Variants in RAB27B observed in about 807,000 individuals in gnomAD.
RAB27B encodes the protein ras-related protein Rab-27B.
Under a neutral mutation model 24.6 loss-of-function variants are expected in RAB27B, and 15 were observed. The observed-to-expected ratio is 0.61, with a 90% CI of 0.41 to 0.94. RAB27B has a LOEUF of 0.94. RAB27B is among the 40% of genes least tolerant of loss of function. The pLI, the probability that RAB27B is intolerant of heterozygous loss-of-function variation, is 0.00. For synonymous variants in RAB27B, 105 were observed against 92.5 expected (o/e 1.14, Z -0.78); for missense variants, 261 against 266.8 (o/e 0.98, Z 0.15).
chr18:54,792,573 A>C (rs182197125), intron 2 of RAB27B, among the ~76,000 whole-genome samples: 1 of 152,358 alleles, frequency 6.6e-6, no homozygotes, highest in African/African-American at 2.4e-5. Context: ...CATGCAAGAT[A>C]GTGAATAAAT....
chr18:54,892,286 G>A lies in RAB27B; in HGVS notation c.*2873G>A, dbSNP rs1042203277. On this transcript the variant is annotated 3_prime_UTR_variant, in exon 6 of 6. Coordinates refer to ENST00000262094, the MANE Select transcript of RAB27B (RefSeq NM_004163.4). ...TACATTGCTCTAACTCGGTGCCTCA[G>A]ATACCTCTGTGACCAAATTTGTCTC... The A allele has an allele frequency of 1.3e-5, 2 of 152,008 alleles. No individual in the cohort carries two copies. The highest frequency in any genetic ancestry group is 4.8e-5 in the African/African-American group (2 of 41,408). 9.4% of individuals were successfully genotyped at this position (152,008 alleles called of 1,614,324 possible).
intron 2 of RAB27B, among the ~76,000 whole-genome samples, chr18:54,728,905 AAAAAAAAAAAAAAAAAAAC>A: frequency 1.4e-5 from 2 of 138,670 alleles, no homozygotes; most frequent in Admixed American, 7.1e-5. Flanking sequence ...AAAAAACCCA[AAAAAAAAAAAAAAAAAAAC>A]CACCACCAAA....
upstream of RAB27B, among the ~76,000 whole-genome samples, chr18:54,824,046 T>C (rs1910395097): frequency 1.3e-5 from 2 of 152,144 alleles, no homozygotes; most frequent in Admixed American, 1.3e-4. Flanking sequence ...ACTTTACACA[T>C]TATTTATTGA....
chr18:54,749,408 A>T (rs1407286879), intron 2 of RAB27B, among the ~76,000 whole-genome samples: 1 of 152,152 alleles, frequency 6.6e-6, no homozygotes, highest in Non-Finnish European at 1.5e-5. Context: ...CACCAAAGGC[A>T]TTCCTTCCAG....
chr18:54,739,241 G>C (rs1400752034), intron 2 of RAB27B, among the ~76,000 whole-genome samples: 2 of 151,914 alleles, frequency 1.3e-5, no homozygotes, highest in Admixed American at 6.6e-5. Context: ...GATCACCTGA[G>C]GTCAGGAGTT....
In RAB27B at chr18:54,850,174, A is replaced by C. The variant is rs1911503855; in HGVS notation, c.-20+21474A>C. On this transcript the variant is annotated intron_variant, in intron 1 of 5. Coordinates refer to ENST00000262094, the MANE Select transcript of RAB27B (RefSeq NM_004163.4). ...TATTCTAAAAATATCTTCCTGTCTA[A>C]AAAAACATTTAACAGAGTTTGTCTA... Among the ~76,000 whole-genome samples the C allele has an allele frequency of 2.0e-5, 3 of 149,062 alleles. No homozygotes were observed. The South Asian group carries it at 6.4e-4, about 32-fold the overall frequency.
chr18:54,828,736 C>A (rs1910563385), intron 1 of RAB27B, 36 bp downstream of exon 1: 1 of 152,504 alleles, frequency 6.6e-6, no homozygotes, highest in Non-Finnish European at 1.5e-5. Context: ...TGCTGGAACG[C>A]GTTCCCACCC....
intron 1 of RAB27B, among the ~76,000 whole-genome samples, chr18:54,862,591 G>A (rs1330864783): frequency 1.3e-5 from 2 of 152,154 alleles, no homozygotes; most frequent in Non-Finnish European, 2.9e-5. Flanking sequence ...ATTCCTACTG[G>A]AATACTTAAG....
chr18:54,853,159 C>T (rs1245220757), intron 1 of RAB27B, among the ~76,000 whole-genome samples: 3 of 152,098 alleles, frequency 2.0e-5, no homozygotes, highest in Non-Finnish European at 4.4e-5. Flanking sequence ...TCTTGACGTT[C>T]TTTTTGAAAA....
intron 2 of RAB27B, among the ~76,000 whole-genome samples, chr18:54,729,394 T>G (rs2144988361): frequency 6.6e-6 from 1 of 152,268 alleles, no homozygotes; most frequent in Admixed American, 6.5e-5. Flanking sequence ...CTAAGCACAC[T>G]TAACCCCAAG....
At chr18:54,848,519 C>T (rs889952539) in intron 1 of RAB27B, among the ~76,000 whole-genome samples, 1 of 152,142 alleles carries the variant, frequency 6.6e-6, no homozygotes, top group African/African-American at 2.4e-5. Flanking sequence ...CAGTTTAAAA[C>T]TGTCATAGTT....
chr18:54,851,631 G>A (rs1408999357), intron 1 of RAB27B, among the ~76,000 whole-genome samples: 2 of 152,030 alleles, frequency 1.3e-5, no homozygotes, highest in Non-Finnish European at 2.9e-5. Flanking sequence ...GCTAAACCTG[G>A]CATCAGTAAA....
chr18:54,810,030 T>A (rs1157825050), intron 2 of RAB27B, among the ~76,000 whole-genome samples: 1 of 152,208 alleles, frequency 6.6e-6, no homozygotes, highest in Non-Finnish European at 1.5e-5. Context: ...GAACAATTGA[T>A]CTGAAAATAT....
At chr18:54,759,726 G>A (rs1298931046) in intron 2 of RAB27B, among the ~76,000 whole-genome samples, 1 of 152,164 alleles carries the variant, frequency 6.6e-6, no homozygotes, top group East Asian at 1.9e-4. Flanking sequence ...CAGAGGGGCA[G>A]CAGAGTGATA....
At chr18:54,851,705 A>G (rs1402576343) in intron 1 of RAB27B, among the ~76,000 whole-genome samples, 3 of 152,024 alleles carry the variant, frequency 2.0e-5, no homozygotes, top group African/African-American at 7.2e-5. Flanking sequence ...CTGCATTGGA[A>G]TCATCTAAAA....
chr18:54,803,303 A>G (rs902373100), intron 2 of RAB27B, among the ~76,000 whole-genome samples: 2 of 152,166 alleles, frequency 1.3e-5, no homozygotes, highest in Non-Finnish European at 2.9e-5. Context: ...AAGCTATGTG[A>G]TGTTCAGGAT....
chr18:54,730,753 G>T (rs1309468209), intron 2 of RAB27B, among the ~76,000 whole-genome samples: 1 of 152,074 alleles, frequency 6.6e-6, no homozygotes, highest in Non-Finnish European at 1.5e-5. Flanking sequence ...GCTTCCTGAG[G>T]CCTCACCAGA....
rs1333058724 is a variant in RAB27B at position 54,877,632 on chromosome 18, G to A, written c.47G>A (p.Gly16Glu). ...TATCTGATCAAACTCCTGGCCCTCG[G>A]GGATTCAGGGGTGGGGAAGACAACA... ...YDYLIKLLAL[G>E]DSGVGKTTFL... The change falls in exon 2 of 6, where the codon GGG becomes GAG. Residue 16 changes from glycine to glutamate, a missense_variant. Coordinates refer to ENST00000262094, the MANE Select transcript of RAB27B (RefSeq NM_004163.4). 6.3e-7 allele frequency: 1 copy of A among 1,592,608 alleles called. No individual in the cohort carries two copies. Among genetic ancestry groups the A allele is most frequent in the Admixed American group, 1.9e-5 (1 of 53,766 alleles).
intron 2 of RAB27B, among the ~76,000 whole-genome samples, chr18:54,806,274 C>A (rs181579028): frequency 1.1e-4 from 16 of 152,058 alleles, no homozygotes; most frequent in Non-Finnish European, 2.2e-4. Context: ...CTGCTTAATG[C>A]AGAACTGCCC....
Sources: allele counts gnomAD v4.1 joint callset (sites outside exome capture counted in the v4.1 genomes callset), GRCh38; gene constraint gnomAD v4.1.1; transcripts MANE v1.5; gene names NCBI Gene and HGNC (gene_info 2026-07-23, HGNC 2026-07-21).